The following CSMD1 variants were observed in gnomAD, a reference collection of about 807,000 sequenced individuals.
The protein encoded by CSMD1 is CUB and sushi domain-containing protein 1.
CSMD1 carries 213 observed loss-of-function variants against 417.5 expected under a neutral mutation model. That is an observed-to-expected ratio of 0.51 (90% CI 0.46 to 0.57). The LOEUF (loss-of-function observed/expected upper bound fraction) is 0.57, where lower values mean the gene tolerates loss of function less well. Ranked by LOEUF, CSMD1 falls within the 20% of genes least tolerant of loss-of-function variation. The probability of loss-of-function intolerance (pLI) is 0.00; values close to 1 mark genes in which losing one functional copy is unlikely to be tolerated. For missense variants in CSMD1, 6,923 were observed against 4,529.7 expected (o/e 1.53, Z -15.17); for synonymous variants, 2,862 against 1,736.8 (o/e 1.65, Z -16.11).
intron 5 of CSMD1, among the ~76,000 whole-genome samples, chr8:3,900,227 T>C (rs963044172): frequency 1.0e-4 from 15 of 148,130 alleles, no homozygotes; most frequent in Admixed American, 5.3e-4. Context: ...GGTGACAGTG[T>C]TAACAGTGGA....
Position 3,787,767 on chromosome 8 carries a change from T to C in CSMD1, c.819-33725A>G, listed in dbSNP as rs17067539. 0.012 allele frequency among the ~76,000 whole-genome samples: 1,846 copies of C among 152,314 alleles called. 85 individuals are homozygous for C. The East Asian group carries it at 0.14, about 11-fold the overall frequency. On this transcript the variant is annotated intron_variant, in intron 5 of 69. Coordinates refer to ENST00000635120, the MANE Select transcript of CSMD1 (RefSeq NM_033225.6). ...TGTATGGGGAAGTTAAGAAGTGTTA[T>C]AATACAAGCTAGGAACTGGCACTTT... is the stretch of plus-strand genomic sequence containing the variant.
intron 1 of CSMD1, among the ~76,000 whole-genome samples, chr8:4,757,886 G>A (rs997209013): frequency 2.0e-5 from 3 of 150,212 alleles, no homozygotes; most frequent in South Asian, 2.1e-4. Context: ...TTGAACCTGG[G>A]AGGCAGCGGT....
At chr8:4,166,617 T>G (rs1291662968) in intron 3 of CSMD1, among the ~76,000 whole-genome samples, 2 of 152,036 alleles carry the variant, frequency 1.3e-5, no homozygotes, top group Non-Finnish European at 2.9e-5. Context: ...AACTGTAGGA[T>G]GGGAGCAGGG....
chr8:3,463,588 G>A (rs924194706), intron 12 of CSMD1, among the ~76,000 whole-genome samples: 1 of 152,198 alleles, frequency 6.6e-6, no homozygotes, highest in Admixed American at 6.5e-5. Flanking sequence ...AAGGACAGGG[G>A]CATGAGCTCA....
intron 3 of CSMD1, among the ~76,000 whole-genome samples, chr8:4,228,729 G>A (rs1801518572): frequency 6.6e-6 from 1 of 151,838 alleles, no homozygotes. Flanking sequence ...TGTCACCCAG[G>A]CTGGAGTGCA....
At position 3,456,782 on chromosome 8, in the gene CSMD1, T is replaced by C. The variant is rs113115955; in HGVS notation, c.1561+11930A>G. Among the ~76,000 whole-genome samples, 167 of 152,188 alleles carry C rather than the reference T, an allele frequency of 1.1e-3. 1 individual carries two copies. The highest frequency in any genetic ancestry group is 3.9e-3 in the African/African-American group (163 of 41,534). The stretch of plus-strand genomic sequence containing the variant: ...AAAGCCTGCAGATGACCCATCCCCA[T>C]TGCCCATTATAGATGAGGCTACTAA... On this transcript the variant is annotated intron_variant, in intron 12 of 69. Transcript: ENST00000635120.
At chr8:4,536,149 C>G (rs141877415) in intron 2 of CSMD1, among the ~76,000 whole-genome samples, 1 of 152,016 alleles carries the variant, frequency 6.6e-6, no homozygotes, top group Non-Finnish European at 1.5e-5. Context: ...ATATATAAAC[C>G]GCAACTCAGT....
At chr8:4,228,523 C>A (rs1251694142) in intron 3 of CSMD1, among the ~76,000 whole-genome samples, 4 of 151,338 alleles carry the variant, frequency 2.6e-5, no homozygotes, top group African/African-American at 9.7e-5. Context: ...AACCCTGTAT[C>A]TTGGCTCTTC....
At chr8:4,313,327 G>T (rs1000224756) in intron 3 of CSMD1, among the ~76,000 whole-genome samples, 46 of 151,212 alleles carry the variant, frequency 3.0e-4, no homozygotes, top group African/African-American at 1.1e-3. Flanking sequence ...CCTAGAGAGG[G>T]AGGAATCCAT....
rs1373728673 is a variant in CSMD1 at position 4,140,818 on chromosome 8, C to T, written c.416-108719G>A. Among the ~76,000 whole-genome samples the T allele has an allele frequency of 7.3e-5, 11 of 150,898 alleles. 1 individual carries two copies. Among genetic ancestry groups the T allele is most frequent in the Admixed American group, 5.3e-4 (8 of 15,228 alleles). On this transcript the variant is annotated intron_variant, in intron 3 of 69. Transcript: ENST00000635120. ...GATTTTCTAAGCGTGTAAATGGGCT[C>T]AGCACCCTCACTCCAGGTTTCAAAT...
chr8:4,448,232 G>A (rs1338863250), intron 2 of CSMD1, among the ~76,000 whole-genome samples: 7 of 152,074 alleles, frequency 4.6e-5, no homozygotes, highest in African/African-American at 1.7e-4. Context: ...TCTTTATTCA[G>A]GTGAAGGAAT....
chr8:4,941,656 T>A (rs535046960), intron 1 of CSMD1, among the ~76,000 whole-genome samples: 48 of 152,040 alleles, frequency 3.2e-4, no homozygotes, highest in African/African-American at 1.2e-3. Context: ...TGGGGTACAG[T>A]ACCACAATCA....
intron 6 of CSMD1, among the ~76,000 whole-genome samples, chr8:3,710,277 G>A (rs1801434085): frequency 6.6e-6 from 1 of 152,064 alleles, no homozygotes; most frequent in Non-Finnish European, 1.5e-5. Flanking sequence ...CTGCTCAAGG[G>A]TTAACTGTAT....
At chr8:3,891,562 A>T (rs1385004680) in intron 5 of CSMD1, among the ~76,000 whole-genome samples, 1 of 152,092 alleles carries the variant, frequency 6.6e-6, no homozygotes, top group Non-Finnish European at 1.5e-5. Flanking sequence ...GTACACCTGT[A>T]GTCTCAACTA....
intron 3 of CSMD1, among the ~76,000 whole-genome samples, chr8:4,094,873 G>A (rs947391008): frequency 6.6e-6 from 1 of 152,168 alleles, no homozygotes; most frequent in Non-Finnish European, 1.5e-5. Flanking sequence ...GGGGCATATT[G>A]TGTATGTTAA....
At chr8:3,542,679 T>C (rs1034116861) in intron 10 of CSMD1, among the ~76,000 whole-genome samples, 11 of 152,184 alleles carry the variant, frequency 7.2e-5, no homozygotes, top group African/African-American at 2.7e-4. Flanking sequence ...CCCCTATTCT[T>C]GCTCAAATGT....
At chr8:3,373,430 T>C (rs950287119) in intron 18 of CSMD1, 5 of 152,226 alleles carry the variant, frequency 3.3e-5, no homozygotes, top group Admixed American at 6.5e-5. Context: ...CGTAGTCCAA[T>C]TCAGTTATCA....
At chr8:3,845,463 G>A (rs1435463536) in intron 5 of CSMD1, among the ~76,000 whole-genome samples, 2 of 152,142 alleles carry the variant, frequency 1.3e-5, no homozygotes, top group African/African-American at 4.8e-5. Context: ...AGGTACAGCT[G>A]AAAAATCAGC....
At chr8:4,915,197 T>C (rs1374190007) in intron 1 of CSMD1, among the ~76,000 whole-genome samples, 1 of 151,852 alleles carries the variant, frequency 6.6e-6, no homozygotes, top group Non-Finnish European at 1.5e-5. Context: ...TACACATACA[T>C]ATACCTGTGT....
Sources: gnomAD v4.1 joint callset for allele counts (sites outside exome capture counted in the v4.1 genomes callset) on GRCh38, gnomAD v4.1.1 for gene constraint, MANE v1.5 for transcripts, NCBI Gene and HGNC (gene_info 2026-07-23, HGNC 2026-07-21) for gene names.